The following SMAP1 variants were observed in gnomAD, a reference collection of about 807,000 sequenced individuals.
The protein encoded by SMAP1 is stromal membrane-associated protein 1.
Under a neutral mutation model 58.5 loss-of-function variants are expected in SMAP1, and 24 were observed. That is an observed-to-expected ratio of 0.41 (90% confidence interval 0.30 to 0.58). The LOEUF is 0.58. Among genes scored for constraint, SMAP1 ranks in the 20% least tolerant of loss-of-function variants. SMAP1 has a pLI of 0.29. For missense variants in SMAP1, 563 were observed against 566.3 expected, an observed-to-expected ratio of 0.99 and a Z score of 0.06; for synonymous variants, 216 against 196.6, an observed-to-expected ratio of 1.10 and a Z score of -0.82.
intron 4 of SMAP1, among the ~76,000 whole-genome samples, chr6:70,780,332 T>C (rs1562155052): frequency 6.6e-6 from 1 of 152,108 alleles, no homozygotes; most frequent in Non-Finnish European, 1.5e-5. Flanking sequence ...TCCCAGCACT[T>C]TAGGAGGCTG....
At chr6:70,749,746 G>A (rs577152985) in intron 2 of SMAP1, among the ~76,000 whole-genome samples, 1 of 152,286 alleles carries the variant, frequency 6.6e-6, no homozygotes, top group South Asian at 2.1e-4. Flanking sequence ...GTACTTCTTA[G>A]CATCTGAGGG....
chr6:70,733,563 A>G (rs899243215), intron 2 of SMAP1, among the ~76,000 whole-genome samples: 18 of 152,166 alleles, frequency 1.2e-4, no homozygotes, highest in Admixed American at 1.2e-3. Context: ...TTTGTTTGAG[A>G]CAGGGTCTTG....
chr6:70,765,933 C>G (rs1180607394), intron 3 of SMAP1, among the ~76,000 whole-genome samples: 1 of 140,122 alleles, frequency 7.1e-6, no homozygotes, highest in Non-Finnish European at 1.5e-5. Context: ...GTATGATGTT[C>G]CCCTTCCTGT....
At chr6:70,789,436 C>T (rs974542396) in intron 4 of SMAP1, among the ~76,000 whole-genome samples, 3 of 152,002 alleles carry the variant, frequency 2.0e-5, no homozygotes, top group Admixed American at 6.6e-5. Flanking sequence ...GTTTCATACA[C>T]ACTGTGTACC....
intron 1 of SMAP1, among the ~76,000 whole-genome samples, chr6:70,709,085 TTGTGTG>T (rs55755309): frequency 6.6e-6 from 1 of 150,968 alleles, no homozygotes; most frequent in South Asian, 2.1e-4. Context: ...AAGGAGGTTT[TTGTGTG>T]TGTGTGTGTG....
intron 1 of SMAP1, among the ~76,000 whole-genome samples, chr6:70,713,609 TTGA>T (rs1463593994): frequency 2.0e-5 from 3 of 152,230 alleles, no homozygotes; most frequent in Non-Finnish European, 4.4e-5. Flanking sequence ...GACAAGGTAT[TTGA>T]TGATATTATT....
chr6:70,841,652 T>G (rs1476144583), intron 7 of SMAP1, among the ~76,000 whole-genome samples: 1 of 152,332 alleles, frequency 6.6e-6, no homozygotes, highest in Admixed American at 6.5e-5. Flanking sequence ...AGAGATTCCC[T>G]CAGTTTTTTC....
chr6:70,827,819 A>G (rs1166553523), intron 6 of SMAP1, among the ~76,000 whole-genome samples: 1 of 152,222 alleles, frequency 6.6e-6, no homozygotes, highest in Non-Finnish European at 1.5e-5. Flanking sequence ...GAGAACATTT[A>G]CTGAAAGATG....
intron 6 of SMAP1, among the ~76,000 whole-genome samples, chr6:70,819,108 A>G (rs970359558): frequency 5.3e-5 from 8 of 152,112 alleles, no homozygotes; most frequent in South Asian, 2.1e-4. Flanking sequence ...TTATGTAAAC[A>G]TTATTCAAGA....
At chr6:70,779,513 G>A (rs1767676406) in intron 4 of SMAP1, among the ~76,000 whole-genome samples, 1 of 152,156 alleles carries the variant, frequency 6.6e-6, no homozygotes, top group Non-Finnish European at 1.5e-5. Flanking sequence ...GGACTCTTCT[G>A]TAGCTAAGAT....
At chr6:70,733,581 G>T (rs975467677) in intron 2 of SMAP1, among the ~76,000 whole-genome samples, 1 of 152,090 alleles carries the variant, frequency 6.6e-6, no homozygotes. Context: ...TTGCTATGTT[G>T]CCCAGGCTGG....
chr6:70,810,774 A>T (rs980226690), intron 6 of SMAP1, among the ~76,000 whole-genome samples: 2 of 152,088 alleles, frequency 1.3e-5, no homozygotes, highest in African/African-American at 4.8e-5. Flanking sequence ...TTGAGGTCTC[A>T]TTGTGTTGAC....
intron 7 of SMAP1, among the ~76,000 whole-genome samples, chr6:70,849,615 T>A (rs1042940711): frequency 7.2e-5 from 11 of 152,114 alleles, no homozygotes; most frequent in Admixed American, 5.9e-4. Context: ...ATAAATAAAT[T>A]ATTATAGGCA....
intron 1 of SMAP1, among the ~76,000 whole-genome samples, chr6:70,705,263 T>G (rs1330183495): frequency 6.6e-6 from 1 of 152,050 alleles, no homozygotes; most frequent in African/African-American, 2.4e-5. Flanking sequence ...TTTTTTTTTT[T>G]TTTTTTAAGA....
intron 6 of SMAP1, among the ~76,000 whole-genome samples, chr6:70,824,436 C>T (rs571934075): frequency 6.6e-6 from 1 of 151,890 alleles, no homozygotes; most frequent in Non-Finnish European, 1.5e-5. Context: ...TAAAAAGTAC[C>T]GTTAAAGGTA....
At chr6:70,743,068 A>G (rs1431959396) in intron 2 of SMAP1, among the ~76,000 whole-genome samples, 1 of 152,156 alleles carries the variant, frequency 6.6e-6, no homozygotes, top group Non-Finnish European at 1.5e-5. Context: ...ACTGGGGAAA[A>G]ATCCTTTTCA....
intron 2 of SMAP1, among the ~76,000 whole-genome samples, chr6:70,752,443 AT>A: frequency 6.6e-6 from 1 of 152,222 alleles, no homozygotes; most frequent in Non-Finnish European, 1.5e-5. Flanking sequence ...TTCCTGTAAA[AT>A]TAGGATAATA....
chr6:70,845,536 T>G (rs1770955231), intron 7 of SMAP1, among the ~76,000 whole-genome samples: 1 of 152,250 alleles, frequency 6.6e-6, no homozygotes, highest in Non-Finnish European at 1.5e-5. Flanking sequence ...AAGTTTATTT[T>G]GTACTATGCA....
chr6:70,771,146 A>T (rs746427502), intron 3 of SMAP1, among the ~76,000 whole-genome samples: 5 of 152,122 alleles, frequency 3.3e-5, no homozygotes, highest in Non-Finnish European at 7.4e-5. Flanking sequence ...GTGTGAAGTG[A>T]CAGTCTGCCC....
Sources: gnomAD v4.1 joint callset for allele counts (sites outside exome capture counted in the v4.1 genomes callset) on GRCh38, gnomAD v4.1.1 for gene constraint, MANE v1.5 for transcripts, NCBI Gene and HGNC (gene_info 2026-07-23, HGNC 2026-07-21) for gene names.